The following ZIC5 variants were observed in gnomAD, a reference collection of about 807,000 sequenced individuals.
ZIC5 encodes Zic family zinc finger 5.
In ZIC5, 20 loss-of-function variants were observed where a neutral mutation model predicts 28.5. That is an observed-to-expected ratio of 0.70 (90% confidence interval 0.49 to 1.02). The LOEUF (loss-of-function observed/expected upper bound fraction) is 1.02. Ranked by LOEUF, ZIC5 falls within the 50% of genes least tolerant of loss-of-function variation. The pLI is 0.00. For synonymous variants in ZIC5, 488 were observed against 410.4 expected, an observed-to-expected ratio of 1.19 and a Z score of -2.29; for missense variants, 951 against 899.7, an observed-to-expected ratio of 1.06 and a Z score of -0.73.
Position 99,970,661 on chromosome 13 carries a change from C to A in ZIC5, c.943G>T (p.Ala315Ser), listed in dbSNP as rs1194718100. ...GGCCCGGCCGCTGCTGCGGCCGCCGCAGCCGCCAGGTTCAGGTTTAAGTTC... is the reference window on the plus strand; with the variant it reads ...GGCCCGGCCGCTGCTGCGGCCGCCGAAGCCGCCAGGTTCAGGTTTAAGTTC... ...AVNLNLNLAA[A>S]AAAAAAGPGP... The change falls in exon 1 of 2, where the codon GCG becomes TCG. Residue 315 changes from alanine (A) to serine (S), a missense_variant. Ala to Ser is a moderately conservative substitution (Grantham distance 99). Coordinates refer to ENST00000267294, the MANE Select transcript of ZIC5 (RefSeq NM_033132.5). The A allele has an allele frequency of 8.6e-7, 1 of 1,167,650 alleles. No individual in the cohort carries two copies. Among genetic ancestry groups the A allele is most frequent in the Non-Finnish European group, 1.1e-6 (1 of 938,970 alleles). 72.3% of individuals were successfully genotyped at this position (1,167,650 alleles called of 1,614,324 possible).
chr13:99,971,412 G>A lies in ZIC5; in HGVS notation c.192C>T (p.Thr64=), dbSNP rs1157741660. The A allele has an allele frequency of 6.5e-7, 1 of 1,528,130 alleles. No individual in the cohort carries two copies. The highest frequency in any genetic ancestry group is 2.0e-5 in the Admixed American group (1 of 48,786). 94.7% of individuals were successfully genotyped at this position (1,528,130 alleles called of 1,614,324 possible). ...RDLGADPGVA[T]TPLGPEHMAQ... ...CCATGTGCTCGGGTCCGAGCGGAGT[G>A]GTGGCCACGCCGGGGTCAGCGCCCA... The change falls in exon 1 of 2, where the codon ACC becomes ACT. Residue 64 remains threonine (T), a synonymous_variant. Transcript: ENST00000267294.
Position 99,970,624 on chromosome 13 carries a change from A to T in ZIC5, c.980T>A (p.Leu327Gln). The T allele has an allele frequency of 2.8e-6, 3 of 1,057,496 alleles. No homozygotes were observed. Among genetic ancestry groups the T allele is most frequent in the Non-Finnish European group, 3.4e-6 (3 of 880,990 alleles). The allele number at this position is 1,057,496 out of a possible 1,614,324, so 65.5% of individuals were successfully genotyped here. ...CGCCGGGGGCGGCGCGTGGTGCTGC[A>T]GGTGGGGCCCGGGCCCGGCCGCTGC... ...AAAAAGPGPH[L>Q]QHHAPPPAPP... Residue 327 changes from leucine to glutamine, a missense_variant, in exon 1 of 2, where the codon CTG (leucine) becomes CAG (glutamine). Physicochemically the swap from Leu to Gln is moderately radical, Grantham distance 113 (BLOSUM62 -2). Transcript: ENST00000267294.
At position 99,971,289 on chromosome 13, in the gene ZIC5, C is replaced by T. The variant is rs2053156518; in HGVS notation, c.315G>A (p.Ala105=). The T allele has an allele frequency of 7.4e-7, 1 of 1,347,910 alleles. No individual in the cohort carries two copies. Among genetic ancestry groups the T allele is most frequent in the Non-Finnish European group, 9.4e-7 (1 of 1,059,338 alleles). 83.5% of individuals were successfully genotyped at this position (1,347,910 alleles called of 1,614,324 possible). The change falls in exon 1 of 2, where the codon GCG becomes GCA. Residue 105 remains alanine, a synonymous_variant. Transcript: ENST00000267294. ...AAAARAAALV[A]HPGAGSYPCG... is the part of the protein sequence containing the mutation. ...AGGGGTAGCTGCCCGCGCCGGGGTG[C>T]GCGACCAAGGCTGCAGCACGGGCGG...
Position 99,968,495 on chromosome 13 carries a change from G to A in ZIC5, c.1477+1632C>T, listed in dbSNP as rs568089819. ...GAAGCCACCGGGGACAGTGCGCAGG[G>A]CGTGGCCTGTCCCGCCGGGGGCCCG... On this transcript the variant is annotated intron_variant, in intron 1 of 1. Transcript: ENST00000267294. Among the ~76,000 whole-genome samples the A allele has an allele frequency of 3.3e-5, 5 of 152,194 alleles. No individual in the cohort carries two copies. The East Asian group carries it at 9.7e-4, about 30-fold the overall frequency.
In ZIC5 at chr13:99,971,685, G is replaced by A. The variant is rs918756731; in HGVS notation, c.-82C>T. The A allele has an allele frequency of 1.9e-6, 3 of 1,552,642 alleles. No homozygotes were observed. Among genetic ancestry groups the A allele is most frequent in the African/African-American group, 2.7e-5 (2 of 73,130 alleles). On this transcript the variant is annotated 5_prime_UTR_variant, in exon 1 of 2. Transcript: ENST00000267294. ...CCGCCTTCAAAAACATGTATGTATTGGGCGCTCTTTAACTTCTTTTGTCCT... is the reference window on the plus strand; with the variant it reads ...CCGCCTTCAAAAACATGTATGTATTAGGCGCTCTTTAACTTCTTTTGTCCT...
chr13:99,970,889 G>C lies in ZIC5; in HGVS notation c.715C>G (p.Leu239Val), dbSNP rs2053150144. The C allele has an allele frequency of 7.5e-7, 1 of 1,329,748 alleles. No individual in the cohort carries two copies. Among genetic ancestry groups the C allele is most frequent in the South Asian group, 2.2e-5 (1 of 46,314 alleles). 82.4% of individuals were successfully genotyped at this position (1,329,748 alleles called of 1,614,324 possible). ...GSGGPALFPA[L>V]HDTPGAPGGH... ...CCTGGGGCCCCCGGCGTGTCGTGCA[G>C]CGCGGGGAAGAGCGCCGGGCCGCCG... The change falls in exon 1 of 2, where the codon CTG becomes GTG. Residue 239 changes from leucine (L) to valine (V), a missense_variant. By Grantham distance (32) the Leu-to-Val change is conservative. This residue lies in a region of ZIC5 where 784 missense variants were observed against 660.1 expected (regional missense o/e 1.19). Transcript: ENST00000267294.
In ZIC5 at chr13:99,965,575, G is replaced by A; in HGVS notation, c.1722C>T (p.Pro574=). The A allele has an allele frequency of 6.2e-7, 1 of 1,613,838 alleles. No individual in the cohort carries two copies. The highest frequency in any genetic ancestry group is 8.5e-7 in the Non-Finnish European group (1 of 1,179,880). Residue 574 remains proline, a synonymous_variant, in exon 2 of 2, where the codon CCC becomes CCT. Coordinates refer to ENST00000267294, the MANE Select transcript of ZIC5 (RefSeq NM_033132.5). ...TGGCTGGGTCCAGCACAGGGGACAA[G>A]GGGGCGCCCACTGGAGTCCCCACTG... ...YSSVGTPVGA[P]LSPVLDPARS... is the part of the protein sequence containing the mutation.
chr13:99,966,441 G>C (rs1447528992), intron 1 of ZIC5, among the ~76,000 whole-genome samples: 1 of 152,106 alleles, frequency 6.6e-6, no homozygotes, highest in Non-Finnish European at 1.5e-5. Context: ...TTTTTCTTTA[G>C]AAATAGAGGC....
chr13:99,971,043 G>T lies in ZIC5; in HGVS notation c.561C>A (p.Ala187=). Residue 187 remains alanine, a synonymous_variant, in exon 1 of 2, where the codon GCC becomes GCA. Coordinates refer to ENST00000267294, the MANE Select transcript of ZIC5 (RefSeq NM_033132.5). ...RDLSATAPAA[A]MHGAPLGGEQ... ...CCCCTCCGAGCGGGGCCCCGTGCAT[G>T]GCCGCCGCGGGGGCCGTGGCGGAAA... The T allele has an allele frequency of 1.4e-6, 2 of 1,423,846 alleles. No individual in the cohort carries two copies. Among genetic ancestry groups the T allele is most frequent in the Non-Finnish European group, 9.1e-7 (1 of 1,100,902 alleles). 88.2% of individuals were successfully genotyped at this position (1,423,846 alleles called of 1,614,324 possible).
Position 99,970,875 on chromosome 13 carries a change from C to T in ZIC5, c.729G>A (p.Pro243=). The change falls in exon 1 of 2, where the codon CCG becomes CCA. Residue 243 remains proline (P), a synonymous_variant. Transcript: ENST00000267294. The part of the protein sequence containing the change: ...PALFPALHDT[P]GAPGGHPHPL... ...GGTGCGGGTGGCCGCCTGGGGCCCC[C>T]GGCGTGTCGTGCAGCGCGGGGAAGA... The T allele has an allele frequency of 1.6e-6, 2 of 1,277,336 alleles. No homozygotes were observed. Among genetic ancestry groups the T allele is most frequent in the Non-Finnish European group, 9.8e-7 (1 of 1,020,508 alleles). 79.1% of individuals were successfully genotyped at this position (1,277,336 alleles called of 1,614,324 possible).
In ZIC5 at chr13:99,971,747, T is replaced by C; in HGVS notation, c.-144A>G. On this transcript the variant is annotated 5_prime_UTR_variant, in exon 1 of 2. Transcript: ENST00000267294. Reference sequence around the variant, plus strand: ...TCTGCTTATTCCTGTTCCCACTCTATCCTCCAGCGATTGGCAGAGTGAACA... The same window carrying C: ...TCTGCTTATTCCTGTTCCCACTCTACCCTCCAGCGATTGGCAGAGTGAACA... 6.5e-7 allele frequency: 1 copy of C among 1,534,704 alleles called. No individual in the cohort carries two copies. The highest frequency in any genetic ancestry group is 8.8e-7 in the Non-Finnish European group (1 of 1,134,238).
At chr13:99,969,707 C>A (rs150135451) in intron 1 of ZIC5, among the ~76,000 whole-genome samples, 5,909 of 152,042 alleles carry the variant, frequency 0.039, 147 homozygotes, top group South Asian at 0.094. Context: ...CCGGGGCGGC[C>A]CGGCCTCTCT....
In ZIC5 at chr13:99,971,748, C is replaced by T; in HGVS notation, c.-145G>A. Reference sequence around the variant, plus strand: ...CTGCTTATTCCTGTTCCCACTCTATCCTCCAGCGATTGGCAGAGTGAACAC... The same window carrying T: ...CTGCTTATTCCTGTTCCCACTCTATTCTCCAGCGATTGGCAGAGTGAACAC... On this transcript the variant is annotated 5_prime_UTR_variant, in exon 1 of 2. Coordinates refer to ENST00000267294, the MANE Select transcript of ZIC5 (RefSeq NM_033132.5). 1.3e-6 allele frequency: 2 copies of T among 1,534,340 alleles called. No homozygotes were observed. Among genetic ancestry groups the T allele is most frequent in the African/African-American group, 1.4e-5 (1 of 72,460 alleles).
rs1396577008 is a variant in ZIC5 at position 99,963,730 on chromosome 13, CT to C, written c.*1646del. 1 of 147,352 alleles carries C rather than the reference CT, an allele frequency of 6.8e-6. No individual in the cohort carries two copies. The highest frequency in any genetic ancestry group is 2.0e-4 in the East Asian group (1 of 5,106). 9.1% of individuals were successfully genotyped at this position (147,352 alleles called of 1,614,324 possible). Reference sequence around the variant, plus strand: ...TTTCACCAAAATGTATAATATAATTCTTTGGTGTGCTTTGAACTCTTCCAGG... The same window carrying C: ...TTTCACCAAAATGTATAATATAATTCTTGGTGTGCTTTGAACTCTTCCAGG... On this transcript the variant is annotated 3_prime_UTR_variant, in exon 2 of 2. Transcript: ENST00000267294.
rs2053159330 is a variant in ZIC5 at position 99,971,483 on chromosome 13, G to A, written c.121C>T (p.His41Tyr). ...GCGACGGCGGCCCGGAGTTGGGAGT[G>A]GGCGGGCGGGCCGGCCAGCGCCGGG... is the stretch of plus-strand genomic sequence containing the variant. ...GFPALAGPPA[H>Y]SQLRAAVAHL... Residue 41 changes from histidine (H) to tyrosine (Y), a missense_variant, in exon 1 of 2, where the codon CAC becomes TAC. Physicochemically the swap from His to Tyr is moderately conservative, Grantham distance 83 (BLOSUM62 2). Coordinates refer to ENST00000267294, the MANE Select transcript of ZIC5 (RefSeq NM_033132.5). 2 of 1,550,230 alleles carry A rather than the reference G, an allele frequency of 1.3e-6. No individual in the cohort carries two copies. The highest frequency in any genetic ancestry group is 2.0e-5 in the Admixed American group (1 of 51,004).
chr13:99,971,203 G>GGGGGT lies in ZIC5; in HGVS notation c.400_401insACCCC (p.Pro134HisfsTer175). 1 of 1,093,256 alleles carries GGGGGT rather than the reference G, an allele frequency of 9.1e-7. No homozygotes were observed. Among genetic ancestry groups the GGGGGT allele is most frequent in the Non-Finnish European group, 1.2e-6 (1 of 860,172 alleles). The allele number at this position is 1,093,256 out of a possible 1,614,324, so 67.7% of individuals were successfully genotyped here. On this transcript the variant is annotated frameshift_variant, in exon 1 of 2. Transcript: ENST00000267294. LOFTEE classifies it high-confidence loss of function. ...AGGGGGAGGGGGTGAAGGGGTGGGA[G>GGGGGT]GAAGAGGAGGGGCTGGGGGCGGGGG...
Position 99,970,669 on chromosome 13 carries a change from A to C in ZIC5, c.935T>G (p.Leu312Arg). ...GYGAVNLNLN[L>R]AAAAAAAAAG... ...CGCTGCTGCGGCCGCCGCAGCCGCC[A>C]GGTTCAGGTTTAAGTTCACGGCTCC... is the stretch of plus-strand genomic sequence containing the variant. The change falls in exon 1 of 2, where the codon CTG becomes CGG. Residue 312 changes from leucine to arginine, a missense_variant. Leu to Arg is a moderately radical substitution (Grantham distance 102). This residue lies in a region of ZIC5 where 784 missense variants were observed against 660.1 expected (regional missense o/e 1.19). Coordinates refer to ENST00000267294, the MANE Select transcript of ZIC5 (RefSeq NM_033132.5). The C allele has an allele frequency of 2.3e-5, 26 of 1,149,114 alleles. No homozygotes were observed. The highest frequency in any genetic ancestry group is 2.3e-4 in the East Asian group (3 of 13,306). 71.2% of individuals were successfully genotyped at this position (1,149,114 alleles called of 1,614,324 possible).
chr13:99,966,878 T>TAACA (rs1340092129), intron 1 of ZIC5, among the ~76,000 whole-genome samples: 1 of 152,230 alleles, frequency 6.6e-6, no homozygotes, highest in African/African-American at 2.4e-5. Context: ...AGACAGCAGG[T>TAACA]AACAGTCTAA....
rs199880269 is a variant in ZIC5, at chr13:99,970,463, C to G, written c.1141G>C (p.Glu381Gln). 14 of 1,095,640 alleles carry G rather than the reference C, an allele frequency of 1.3e-5. No homozygotes were observed. Among genetic ancestry groups the G allele is most frequent in the Non-Finnish European group, 1.6e-5 (14 of 899,046 alleles). 67.9% of individuals were successfully genotyped at this position (1,095,640 alleles called of 1,614,324 possible). ...ELICKWIDPD[E>Q]LAGLPPPPPP... ...GGCGGCGGCGGCAGCCCGGCCAGCT[C>G]GTCGGGGTCGATCCACTTGCAGATG... The change falls in exon 1 of 2, where the codon GAG becomes CAG. Residue 381 changes from glutamate to glutamine, a missense_variant. Transcript: ENST00000267294.
Sources: gnomAD v4.1 joint callset for allele counts (sites outside exome capture counted in the v4.1 genomes callset) on GRCh38, gnomAD v4.1.1 for gene constraint, gnomAD v4.1.1 regional missense constraint, MANE v1.5 for transcripts, NCBI Gene and HGNC (gene_info 2026-07-23, HGNC 2026-07-21) for gene names.